Variants in MARVELD3 observed in about 807,000 individuals in gnomAD.
MARVELD3 encodes MARVEL domain-containing protein 3.
Under a neutral mutation model 33.5 loss-of-function variants are expected in MARVELD3, and 28 were observed. That is an observed-to-expected ratio of 0.84 (90% CI 0.62 to 1.15). The LOEUF (loss-of-function observed/expected upper bound fraction) is 1.15, where lower values mean the gene tolerates loss of function less well. MARVELD3 is among the 50% of genes most tolerant of loss of function. The probability of loss-of-function intolerance (pLI) is 0.00; values close to 1 mark genes in which losing one functional copy is unlikely to be tolerated. For synonymous variants in MARVELD3, 241 were observed against 230.4 expected, an observed-to-expected ratio of 1.05 and a Z score of -0.42; for missense variants, 582 against 547.6, an observed-to-expected ratio of 1.06 and a Z score of -0.63.
downstream of MARVELD3, chr16:71,640,465 C>T (rs777469785): frequency 1.2e-6 from 2 of 1,613,994 alleles, no homozygotes; most frequent in Admixed American, 1.7e-5. Flanking sequence ...TTTGTCCTTG[C>T]CGGATTCAGT....
At chr16:71,629,902 C>A (rs2044511861) in intron 2 of MARVELD3, among the ~76,000 whole-genome samples, 1 of 152,092 alleles carries the variant, frequency 6.6e-6, no homozygotes, top group Admixed American at 6.5e-5. Flanking sequence ...AGCACCTGTT[C>A]TCCTTGAAGA....
downstream of MARVELD3, chr16:71,641,158 G>T (rs1596979717): frequency 8.3e-7 from 1 of 1,201,592 alleles, no homozygotes; most frequent in Non-Finnish European, 1.1e-6. Flanking sequence ...CTGAGGCAAA[G>T]TTAAAGAATT....
rs1338162932 is a variant in MARVELD3 at position 71,626,549 on chromosome 16, G to T, written c.320G>T (p.Trp107Leu). 7 of 1,549,060 alleles carry T rather than the reference G, an allele frequency of 4.5e-6. No homozygotes were observed. In the African/African-American group the frequency reaches 9.6e-5, roughly 21 times the overall value. Residue 107 changes from tryptophan to leucine, a missense_variant, in exon 1 of 3, where the codon TGG (tryptophan) becomes TTG (leucine). Trp to Leu is a moderately conservative substitution (Grantham distance 61). Coordinates refer to ENST00000268485, the MANE Select transcript of MARVELD3 (RefSeq NM_052858.6). The surrounding 1 kb of genome is among the most constrained non-coding windows in gnomAD (Gnocchi z 5.3). ...CCTCGCGCAGGTGAACACGGAGTTT[G>T]GGAAAAACCGCGCCAAAGCCGGACG... ...AGPRAGEHGV[W>L]EKPRQSRTRD... is the part of the protein sequence containing the mutation.
rs548826137 is a variant in MARVELD3, at chr16:71,635,778, G to T, written c.*975G>T. 2.0e-6 allele frequency: 2 copies of T among 985,366 alleles called. No homozygotes were observed. The highest frequency in any genetic ancestry group is 3.5e-5 in the African/African-American group (2 of 57,328). 61.0% of individuals were successfully genotyped at this position (985,366 alleles called of 1,614,324 possible). A position where few individuals can be genotyped will look rare whatever the true frequency, so the allele number is the denominator to read the frequency against. Reference sequence around the variant, plus strand: ...TAATTCTGCAAATGGAGGGGGTGGGGACTCTTGGGAAACTACTCCTGTAAA... The same window carrying T: ...TAATTCTGCAAATGGAGGGGGTGGGTACTCTTGGGAAACTACTCCTGTAAA... On this transcript the variant is annotated 3_prime_UTR_variant, in exon 3 of 3. Transcript: ENST00000268485.
chr16:71,634,132 T>C, intron 2 of MARVELD3, 61 bp from the exon 3 acceptor site: 1 of 1,550,838 alleles, frequency 6.4e-7, no homozygotes, highest in Admixed American at 1.9e-5. Flanking sequence ...GGGCCTCAGG[T>C]GGAAGAGTCT....
downstream of MARVELD3, among the ~76,000 whole-genome samples, chr16:71,639,953 A>C (rs951947079): frequency 3.9e-5 from 6 of 152,202 alleles, no homozygotes; most frequent in Non-Finnish European, 7.4e-5. Flanking sequence ...AAACAAAACA[A>C]AAACAAAAAG....
rs919924051 is a variant in MARVELD3 at position 71,626,455 on chromosome 16, G to C, written c.226G>C (p.Glu76Gln). The change falls in exon 1 of 3, where the codon GAG becomes CAG. Residue 76 changes from glutamate (E) to glutamine (Q), a missense_variant. Physicochemically the swap from Glu to Gln is conservative, Grantham distance 29. Coordinates refer to ENST00000268485, the MANE Select transcript of MARVELD3 (RefSeq NM_052858.6). This position sits in a 1 kb window ranked among gnomAD's most constrained non-coding sequence, Gnocchi z 5.3. ...GAACCGCGACCGGAACCGGGACCGG[G>C]AGAGGGAGAGAGAGAGGGAAAGAGA... is the stretch of plus-strand genomic sequence containing the variant. ...DGNRDRNRDR[E>Q]RERERERDPD... The C allele has an allele frequency of 6.5e-7, 1 of 1,549,208 alleles. No homozygotes were observed. The highest frequency in any genetic ancestry group is 1.4e-5 in the African/African-American group (1 of 73,014).
chr16:71,634,622 C>T lies in MARVELD3; in HGVS notation c.1025C>T (p.Ala342Val), dbSNP rs201390007. Residue 342 changes from alanine (A) to valine (V), a missense_variant, in exon 3 of 3, where the codon GCG becomes GTG. By Grantham distance (64) the Ala-to-Val change is moderately conservative (BLOSUM62 0). Coordinates refer to ENST00000268485, the MANE Select transcript of MARVELD3 (RefSeq NM_052858.6). ...TCTCCTGTGTGTAAAGAGAGGCAGG[C>T]GCTGTACCAAAGCAAAGGCTACAGC... Reference protein sequence around the residue: ...YGSPVCKERQALYQSKGYSGF... With the variant: ...YGSPVCKERQVLYQSKGYSGF... 37 of 1,606,054 alleles carry T rather than the reference C, an allele frequency of 2.3e-5. No homozygotes were observed. Among genetic ancestry groups the T allele is most frequent in the Non-Finnish European group, 2.7e-5 (32 of 1,177,818 alleles).
chr16:71,636,738 G>A (rs1264680479), downstream of MARVELD3, among the ~76,000 whole-genome samples: 4 of 152,062 alleles, frequency 2.6e-5, no homozygotes, highest in South Asian at 2.1e-4. Flanking sequence ...CTACAGGCCC[G>A]TGCCACTGTG....
At chr16:71,629,337 C>T (rs766101936) in intron 1 of MARVELD3, 30 bp from the exon 2 acceptor site, 1 of 1,518,846 alleles carries the variant, frequency 6.6e-7, no homozygotes, top group South Asian at 1.3e-5. Flanking sequence ...GAGACACCCC[C>T]TAATGACCAT....
chr16:71,626,337 C>T lies in MARVELD3; in HGVS notation c.108C>T (p.Asp36=). The T allele has an allele frequency of 6.5e-7, 1 of 1,548,274 alleles. No individual in the cohort carries two copies. The highest frequency in any genetic ancestry group is 1.2e-5 in the South Asian group (1 of 83,952). Residue 36 remains aspartate, a synonymous_variant, in exon 1 of 3, where the codon GAC becomes GAT. Transcript: ENST00000268485. The surrounding 1 kb of genome is among the most constrained non-coding windows in gnomAD (Gnocchi z 5.3). ...GCCGCACCCACGATCGACCGCGGGACCGACCCGGGGACCCGCGCAGGAAGC... is the reference window on the plus strand; with the variant it reads ...GCCGCACCCACGATCGACCGCGGGATCGACCCGGGGACCCGCGCAGGAAGC... The part of the protein sequence containing the change: ...DQGRTHDRPR[D]RPGDPRRKRS...
downstream of MARVELD3, chr16:71,637,702 T>C (rs181946202): frequency 2.8e-4 from 43 of 152,316 alleles, no homozygotes; most frequent in Admixed American, 2.4e-3. Context: ...ATAAACATCA[T>C]GGTACCCCCT....
Position 71,634,679 on chromosome 16 carries a change from T to C in MARVELD3, c.1082T>C (p.Ile361Thr), listed in dbSNP as rs771846938. The C allele has an allele frequency of 2.5e-6, 4 of 1,614,066 alleles. No individual in the cohort carries two copies. Among genetic ancestry groups the C allele is most frequent in the African/African-American group, 1.3e-5 (1 of 74,902 alleles). The change falls in exon 3 of 3, where the codon ATA (isoleucine) becomes ACA (threonine). Residue 361 changes from isoleucine to threonine, a missense_variant. Transcript: ENST00000268485. The part of the protein sequence containing the change: ...GFGCSFHGAD[I>T]GAGIFAALGI... Reference sequence around the variant, plus strand: ...GGCTGCAGTTTCCACGGAGCAGATATAGGAGCTGGAATCTTTGCTGCCCTG... The same window carrying C: ...GGCTGCAGTTTCCACGGAGCAGATACAGGAGCTGGAATCTTTGCTGCCCTG...
At chr16:71,640,706 C>G, downstream of MARVELD3, 1 of 1,614,224 alleles carries the variant, frequency 6.2e-7, no homozygotes. Flanking sequence ...TCACGGAGGC[C>G]GCCTTCAGCC....
At chr16:71,640,636 C>T, downstream of MARVELD3, 1 of 1,614,244 alleles carries the variant, frequency 6.2e-7, no homozygotes, top group Non-Finnish European at 8.5e-7. Flanking sequence ...GGGGTCCTCA[C>T]CATGGGTGTT....
Position 71,635,785 on chromosome 16 carries a change from G to A in MARVELD3, c.*982G>A. 1 of 985,328 alleles carries A rather than the reference G, an allele frequency of 1.0e-6. No individual in the cohort carries two copies. Among genetic ancestry groups the A allele is most frequent in the Non-Finnish European group, 1.2e-6 (1 of 829,942 alleles). 61.0% of individuals were successfully genotyped at this position (985,328 alleles called of 1,614,324 possible). A position where few individuals can be genotyped will look rare whatever the true frequency, so the allele number is the denominator to read the frequency against. On this transcript the variant is annotated 3_prime_UTR_variant, in exon 3 of 3. Transcript: ENST00000268485. ...GCAAATGGAGGGGGTGGGGACTCTTGGGAAACTACTCCTGTAAAATTGAAG... is the reference window on the plus strand; with the variant it reads ...GCAAATGGAGGGGGTGGGGACTCTTAGGAAACTACTCCTGTAAAATTGAAG...
chr16:71,640,402 T>C, downstream of MARVELD3: 1 of 1,614,148 alleles, frequency 6.2e-7, no homozygotes. Flanking sequence ...GTGGTGCAGA[T>C]AGTGGAGGTG....
downstream of MARVELD3, chr16:71,640,320 C>G (rs144234532): frequency 7.2e-6 from 11 of 1,527,698 alleles, no homozygotes; most frequent in African/African-American, 1.4e-4. Flanking sequence ...ATCAGGTGGC[C>G]TGTGGTATGT....
downstream of MARVELD3, chr16:71,640,562 C>T (rs1427106252): frequency 4.3e-6 from 7 of 1,614,086 alleles, no homozygotes; most frequent in African/African-American, 1.3e-5. Context: ...GGCAGCTGGA[C>T]CAGCAGTACA....
Sources: allele counts gnomAD v4.1 joint callset (sites outside exome capture counted in the v4.1 genomes callset), GRCh38; gene constraint gnomAD v4.1.1; non-coding constraint Gnocchi (gnomAD v3.1); transcripts MANE v1.5; gene names NCBI Gene and HGNC (gene_info 2026-07-23, HGNC 2026-07-21).